CNTNAP5: variants seen among roughly 807,000 people sequenced by gnomAD.
CNTNAP5 encodes contactin-associated protein-like 5.
In CNTNAP5, 72 loss-of-function variants were observed where a neutral mutation model predicts 150.2. The observed-to-expected ratio is 0.48, with a 90% CI of 0.40 to 0.58. The LOEUF (loss-of-function observed/expected upper bound fraction) is 0.58. CNTNAP5 is among the 20% of genes least tolerant of loss of function. The pLI is 0.00. For missense variants in CNTNAP5, 1,636 were observed against 1,626.2 expected (o/e 1.01, Z -0.10); for synonymous variants, 672 against 619.8 (o/e 1.08, Z -1.25).
At chr2:124,669,197 G>A (rs1332879521) in intron 13 of CNTNAP5, among the ~76,000 whole-genome samples, 1 of 152,122 alleles carries the variant, frequency 6.6e-6, no homozygotes, top group Admixed American at 6.5e-5. Context: ...TATCCTCAGG[G>A]ACAGGACCTG....
chr2:124,216,981 G>T (rs1446759931), intron 1 of CNTNAP5, among the ~76,000 whole-genome samples: 1 of 152,116 alleles, frequency 6.6e-6, no homozygotes, highest in Non-Finnish European at 1.5e-5. Context: ...TTCCACAATG[G>T]TTAAACTAGT....
intron 3 of CNTNAP5, among the ~76,000 whole-genome samples, chr2:124,402,573 G>C (rs1261672360): frequency 2.6e-5 from 4 of 152,126 alleles, no homozygotes; most frequent in African/African-American, 9.7e-5. Flanking sequence ...CTAATCTGGA[G>C]GTCATAACCA....
rs1234440389 is a variant in CNTNAP5, at chr2:124,350,684, A to G, written c.382-66759A>G. Among the ~76,000 whole-genome samples the G allele has an allele frequency of 3.9e-5, 6 of 152,258 alleles. No individual in the cohort carries two copies. The South Asian group carries it at 6.2e-4, about 16-fold the overall frequency. On this transcript the variant is annotated intron_variant, in intron 3 of 23. Transcript: ENST00000682447. ...ATATTTTTATTAGGTTATTTTATCT[A>G]TAATTTCTAAATCAAATTAACAGAA...
intron 10 of CNTNAP5, among the ~76,000 whole-genome samples, chr2:124,529,333 T>G (rs1045215227): frequency 6.6e-6 from 1 of 152,220 alleles, no homozygotes; most frequent in African/African-American, 2.4e-5. Context: ...GCTCTCATTA[T>G]TTTTGATTGC....
intron 1 of CNTNAP5, among the ~76,000 whole-genome samples, chr2:124,129,247 A>G (rs1470935742): frequency 6.6e-6 from 1 of 152,064 alleles, no homozygotes; most frequent in Non-Finnish European, 1.5e-5. Context: ...TATTACTTAG[A>G]AAAAAAAGTA....
intron 13 of CNTNAP5, among the ~76,000 whole-genome samples, chr2:124,697,035 C>A (rs1679419074): frequency 6.6e-6 from 1 of 152,118 alleles, no homozygotes; most frequent in South Asian, 2.1e-4. Flanking sequence ...TTGAGTCATA[C>A]AAACATGGAT....
intron 18 of CNTNAP5, among the ~76,000 whole-genome samples, chr2:124,795,616 C>A (rs957889655): frequency 2.0e-5 from 3 of 152,144 alleles, no homozygotes; most frequent in Admixed American, 2.0e-4. Context: ...CTCCTGGGTT[C>A]AAGTGATTCT....
chr2:124,704,579 G>A (rs1003904175), intron 13 of CNTNAP5, among the ~76,000 whole-genome samples: 1 of 152,204 alleles, frequency 6.6e-6, no homozygotes, highest in African/African-American at 2.4e-5. Flanking sequence ...ATTAATTGAT[G>A]AGACAGAGTA....
At chr2:124,332,696 G>A (rs1447349049) in intron 3 of CNTNAP5, among the ~76,000 whole-genome samples, 1 of 151,774 alleles carries the variant, frequency 6.6e-6, no homozygotes, top group Non-Finnish European at 1.5e-5. Context: ...GTAATATAAA[G>A]CATAATTATT....
At chr2:124,369,237 C>T (rs777684688) in intron 3 of CNTNAP5, among the ~76,000 whole-genome samples, 9 of 152,066 alleles carry the variant, frequency 5.9e-5, no homozygotes, top group African/African-American at 1.2e-4. Flanking sequence ...CTTTGAATGC[C>T]TTTGTATATT....
At chr2:124,268,074 T>G (rs1479938070) in intron 3 of CNTNAP5, among the ~76,000 whole-genome samples, 3 of 152,158 alleles carry the variant, frequency 2.0e-5, no homozygotes, top group Non-Finnish European at 4.4e-5. Flanking sequence ...TGGCCTTTAC[T>G]GTGTGAACTC....
At chr2:124,683,002 G>T (rs1679104590) in intron 13 of CNTNAP5, among the ~76,000 whole-genome samples, 1 of 152,200 alleles carries the variant, frequency 6.6e-6, no homozygotes, top group Non-Finnish European at 1.5e-5. Flanking sequence ...TGAATTTTTA[G>T]GTTTGTGTTG....
intron 1 of CNTNAP5, among the ~76,000 whole-genome samples, chr2:124,146,149 G>C (rs1404480025): frequency 1.3e-5 from 2 of 152,126 alleles, no homozygotes; most frequent in African/African-American, 4.8e-5. Context: ...TTGAGGCCAG[G>C]AGCTGGCGGC....
At chr2:124,085,040 G>C (rs978564266) in intron 1 of CNTNAP5, among the ~76,000 whole-genome samples, 1 of 145,592 alleles carries the variant, frequency 6.9e-6, no homozygotes, top group Non-Finnish European at 1.5e-5. Context: ...TCCTGCCTCA[G>C]CCTCCTAAGT....
intron 12 of CNTNAP5, among the ~76,000 whole-genome samples, chr2:124,619,842 CATATATATAT>C (rs58774096): frequency 0.021 from 2,058 of 98,394 alleles, 68 homozygotes; most frequent in Admixed American, 0.059. Flanking sequence ...CTGTCTCATT[CATATATATAT>C]ATATATATAT....
At chr2:124,457,739 C>G (rs573383607) in intron 6 of CNTNAP5, among the ~76,000 whole-genome samples, 218 of 151,848 alleles carry the variant, frequency 1.4e-3, no homozygotes, top group African/African-American at 5.1e-3. Flanking sequence ...TTCTAGGGTA[C>G]ATGTGCACAA....
rs1297182250 is a variant in CNTNAP5, at chr2:124,419,769, A to G, written c.529+2179A>G. On this transcript the variant is annotated intron_variant, in intron 4 of 23. Coordinates refer to ENST00000682447, the MANE Select transcript of CNTNAP5 (RefSeq NM_001367498.1). ...TGCTGATGCTTTGGTACTTTTTTTTATTTGGGGGAAATAATTTAAAAAACG... is the reference window on the plus strand; with the variant it reads ...TGCTGATGCTTTGGTACTTTTTTTTGTTTGGGGGAAATAATTTAAAAAACG... 5.3e-5 allele frequency among the ~76,000 whole-genome samples: 8 copies of G among 152,038 alleles called. No individual in the cohort carries two copies. In the South Asian group the frequency reaches 1.0e-3, roughly 20 times the overall value.
At chr2:124,459,650 C>T (rs1693202219) in intron 6 of CNTNAP5, among the ~76,000 whole-genome samples, 1 of 150,972 alleles carries the variant, frequency 6.6e-6, no homozygotes, top group African/African-American at 2.4e-5. Context: ...ACTCGGGAAG[C>T]TGAGGGCTGA....
At chr2:124,672,324 T>C (rs1379814171) in intron 13 of CNTNAP5, among the ~76,000 whole-genome samples, 3 of 152,142 alleles carry the variant, frequency 2.0e-5, no homozygotes, top group African/African-American at 4.8e-5. Flanking sequence ...TTCTGAGGCA[T>C]TGGGTATTAG....
Sources: gnomAD v4.1 joint callset for allele counts (sites outside exome capture counted in the v4.1 genomes callset) on GRCh38, gnomAD v4.1.1 for gene constraint, MANE v1.5 for transcripts, NCBI Gene and HGNC (gene_info 2026-07-23, HGNC 2026-07-21) for gene names.